CCDC122: variants seen among roughly 807,000 people sequenced by gnomAD.
The protein encoded by CCDC122 is coiled-coil domain-containing protein 122.
A neutral mutation model predicts 37.0 loss-of-function variants in CCDC122; 38 were observed. The ratio of observed to expected loss-of-function variants is 1.03; its 90% CI spans 0.79 to 1.35. The LOEUF is 1.35. Among genes scored for constraint, CCDC122 ranks in the 40% most tolerant of loss-of-function variants. CCDC122 has a pLI of 0.00. For missense variants in CCDC122, 305 were observed against 310.0 expected (o/e 0.98, Z 0.12); for synonymous variants, 83 against 95.6 (o/e 0.87, Z 0.77).
chr13:43,847,844 A>G (rs1029335100), intron 6 of CCDC122, among the ~76,000 whole-genome samples: 1 of 152,050 alleles, frequency 6.6e-6, no homozygotes, highest in African/African-American at 2.4e-5. Flanking sequence ...ACACAATCTC[A>G]GCTCATTGCA....
At chr13:43,858,936 AG>A (rs1212340472) in intron 5 of CCDC122, 39 bp from the exon 6 acceptor site, 5 of 1,325,136 alleles carry the variant, frequency 3.8e-6, no homozygotes, top group Non-Finnish European at 5.0e-6. Context: ...AAGTCAAAAA[AG>A]GATGATCAAT....
intron 4 of CCDC122, among the ~76,000 whole-genome samples, chr13:43,864,921 A>C (rs2153877083): frequency 6.6e-6 from 1 of 152,312 alleles, no homozygotes; most frequent in Admixed American, 6.5e-5. Context: ...GGGAGGAAAG[A>C]GGGGCTGGAG....
chr13:43,875,902 T>C (rs988763786), intron 1 of CCDC122, among the ~76,000 whole-genome samples: 3 of 152,196 alleles, frequency 2.0e-5, no homozygotes, highest in South Asian at 2.1e-4. Context: ...CCTGAATAAA[T>C]AGCTTTTGCT....
chr13:43,858,504 T>G (rs529674870), intron 6 of CCDC122: 10 of 180,652 alleles, frequency 5.5e-5, no homozygotes, highest in African/African-American at 2.1e-4. Flanking sequence ...GGGTATCATG[T>G]TCTTAGTGGA....
chr13:43,870,604 AAAAAAT>A (rs1954414887), intron 2 of CCDC122, among the ~76,000 whole-genome samples: 1 of 152,158 alleles, frequency 6.6e-6, no homozygotes, highest in African/African-American at 2.4e-5. Context: ...TTAGATTAAA[AAAAAAT>A]TATATAGTGT....
At chr13:43,827,683 T>A (rs1953052035) in intron 3 of CCDC122, among the ~76,000 whole-genome samples, 1 of 152,212 alleles carries the variant, frequency 6.6e-6, no homozygotes, top group African/African-American at 2.4e-5. Context: ...TGACTTTTGC[T>A]ATACAGAAGT....
chr13:43,870,439 G>A (rs926397813), intron 2 of CCDC122, among the ~76,000 whole-genome samples: 3 of 151,946 alleles, frequency 2.0e-5, no homozygotes, highest in South Asian at 2.1e-4. Flanking sequence ...TGGGTTTCAT[G>A]GTCACAGACT....
downstream of CCDC122, among the ~76,000 whole-genome samples, chr13:43,833,540 G>A (rs1279315769): frequency 1.3e-5 from 2 of 152,178 alleles, no homozygotes; most frequent in Non-Finnish European, 2.9e-5. Flanking sequence ...TGCATGGATA[G>A]AATAACAGGT....
chr13:43,825,643 G>A (rs573740608), intron 3 of CCDC122, among the ~76,000 whole-genome samples: 10 of 152,144 alleles, frequency 6.6e-5, no homozygotes, highest in Admixed American at 4.6e-4. Context: ...GGTGGTGTGC[G>A]CTTGTAGTCC....
chr13:43,867,729 T>C (rs1174745776), intron 4 of CCDC122, among the ~76,000 whole-genome samples: 3 of 152,138 alleles, frequency 2.0e-5, no homozygotes, highest in Non-Finnish European at 1.5e-5. Context: ...CTGAAAAGTT[T>C]TACAAAAAAT....
At chr13:43,866,000 A>T (rs1954264039) in intron 4 of CCDC122, among the ~76,000 whole-genome samples, 2 of 152,204 alleles carry the variant, frequency 1.3e-5, no homozygotes, top group Admixed American at 1.3e-4. Context: ...GCACTGTGAT[A>T]CTGCCACAAT....
chr13:43,863,436 G>T (rs939183849), intron 4 of CCDC122, among the ~76,000 whole-genome samples: 11 of 151,994 alleles, frequency 7.2e-5, no homozygotes, highest in African/African-American at 2.7e-4. Context: ...TGGGCATTTG[G>T]GTTGTTTCCA....
intron 2 of CCDC122, among the ~76,000 whole-genome samples, chr13:43,870,696 C>T (rs1322379753): frequency 6.6e-6 from 1 of 151,386 alleles, no homozygotes; most frequent in Non-Finnish European, 1.5e-5. Flanking sequence ...GATATTATTA[C>T]AATGTTCATT....
chr13:43,850,501 C>T (rs1953689966), intron 6 of CCDC122, among the ~76,000 whole-genome samples: 7 of 151,976 alleles, frequency 4.6e-5, no homozygotes, highest in Admixed American at 3.9e-4. Context: ...ACTCAAATGG[C>T]AATTTAAGAA....
In CCDC122 at chr13:43,843,160, TG is replaced by T. The variant is rs751225399; in HGVS notation, c.673-5732del. On this transcript the variant is annotated intron_variant, in intron 6 of 6. Coordinates refer to ENST00000444614, the MANE Select transcript of CCDC122 (RefSeq NM_144974.5). ...TATGATATGTTGTTGGCTATAAGAT[TG>T]TTTTTTTATAATAAATTCCCTTTAT... Among the ~76,000 whole-genome samples, 106 of 152,170 alleles carry T rather than the reference TG, an allele frequency of 7.0e-4. 1 individual carries two copies. Among genetic ancestry groups the T allele is most frequent in the Admixed American group, 1.4e-3 (21 of 15,296 alleles).
intron 1 of CCDC122, among the ~76,000 whole-genome samples, chr13:43,878,814 T>C (rs541285856): frequency 1.3e-5 from 2 of 152,316 alleles, no homozygotes; most frequent in South Asian, 2.1e-4. Context: ...TAAAAGGCCA[T>C]AGAGGACATC....
At chr13:43,852,585 T>C (rs1437231863) in intron 6 of CCDC122, among the ~76,000 whole-genome samples, 1 of 152,024 alleles carries the variant, frequency 6.6e-6, no homozygotes, top group Non-Finnish European at 1.5e-5. Flanking sequence ...CTATGAGAAC[T>C]TCCCCAACCT....
intron 1 of CCDC122, among the ~76,000 whole-genome samples, chr13:43,876,350 T>C (rs977393214): frequency 1.3e-5 from 2 of 152,164 alleles, no homozygotes; most frequent in Admixed American, 1.3e-4. Flanking sequence ...TTATACTTGT[T>C]CTCATGAGAA....
chr13:43,827,057 C>T lies in CCDC122; in HGVS notation n.602-3046G>A, dbSNP rs538479297. ...TATATTTTCATGAAGCTTATTACAG[C>T]GTTTTCTTTTAAAGATGGAACACTT... On this transcript the variant is annotated intron_variant and non_coding_transcript_variant, in intron 3 of 3. Transcript: ENST00000470137. 5.3e-5 allele frequency among the ~76,000 whole-genome samples: 8 copies of T among 152,232 alleles called. No homozygotes were observed. The East Asian group carries it at 1.2e-3, about 22-fold the overall frequency.
Sources: gnomAD v4.1 joint callset for allele counts (sites outside exome capture counted in the v4.1 genomes callset) on GRCh38, gnomAD v4.1.1 for gene constraint, MANE v1.5 for transcripts, NCBI Gene and HGNC (gene_info 2026-07-23, HGNC 2026-07-21) for gene names.